The following MPP3 variants were observed in gnomAD, a reference collection of about 807,000 sequenced individuals.
The protein encoded by MPP3 is MAGUK p55 subfamily member 3.
In MPP3, 48 loss-of-function variants were observed where a neutral mutation model predicts 80.7. The ratio of observed to expected loss-of-function variants is 0.59; its 90% confidence interval spans 0.47 to 0.76. The LOEUF is 0.76. MPP3 is among the 30% of genes least tolerant of loss of function. The pLI, the probability that MPP3 is intolerant of heterozygous loss-of-function variation, is 0.00. For missense variants in MPP3, 620 were observed against 763.0 expected (o/e 0.81, Z 2.21); for synonymous variants, 311 against 297.6 (o/e 1.04, Z -0.46).
chr17:43,828,770 G>GC (rs1206639530), intron 7 of MPP3, among the ~76,000 whole-genome samples: 1 of 152,204 alleles, frequency 6.6e-6, no homozygotes, highest in African/African-American at 2.4e-5. Context: ...AGGACTTCTA[G>GC]CCCCCCAGAA....
chr17:43,821,023 C>T lies in MPP3; in HGVS notation c.720G>A (p.Arg240=). ...FMRALFHYNP[R]EDRAIPCQEA... is the part of the protein sequence containing the mutation. ...CCTGGCAAGGGATGGCCCGGTCCTC[C>T]CGAGGGTTGTAGTGGAAGAGGGCGC... is the stretch of plus-strand genomic sequence containing the variant. The change falls in exon 11 of 20, where the codon CGG becomes CGA. Residue 240 remains arginine (R), a synonymous_variant. Coordinates refer to ENST00000398389, the MANE Select transcript of MPP3 (RefSeq NM_001932.6). 1 of 1,614,020 alleles carries T rather than the reference C, an allele frequency of 6.2e-7. No individual in the cohort carries two copies. The highest frequency in any genetic ancestry group is 8.5e-7 in the Non-Finnish European group (1 of 1,179,944).
In MPP3 at chr17:43,824,005, C is replaced by T; in HGVS notation, c.610G>A (p.Ala204Thr). Residue 204 changes from alanine (A) to threonine (T), a missense_variant and splice_region_variant, in exon 10 of 20, where the codon GCC (alanine) becomes ACC (threonine). Coordinates refer to ENST00000398389, the MANE Select transcript of MPP3 (RefSeq NM_001932.6). ...KRPDEISQIL[A>T]QSQGSITLKI... ...AGGGTGATGGATCCCTGGGACTGGG[C>T]CTGAAACGAAAGAGAACAGAAGCTT... is the stretch of plus-strand genomic sequence containing the variant. 1 of 1,604,402 alleles carries T rather than the reference C, an allele frequency of 6.2e-7. No homozygotes were observed. Among genetic ancestry groups the T allele is most frequent in the Non-Finnish European group, 8.5e-7 (1 of 1,175,172 alleles).
intron 17 of MPP3, 95 bp from the exon 18 acceptor site, chr17:43,811,010 T>G (rs1321843389): frequency 1.4e-6 from 2 of 1,426,672 alleles, no homozygotes; most frequent in South Asian, 1.2e-5. Context: ...TCTCTCCCGC[T>G]TCCCCCATCC....
intron 14 of MPP3, chr17:43,815,752 T>C: frequency 3.1e-6 from 2 of 646,310 alleles, no homozygotes; most frequent in East Asian, 3.1e-5. Context: ...TAAACTCCAA[T>C]TGCAATGATG....
chr17:43,809,782 G>A (rs541108400), intron 18 of MPP3, among the ~76,000 whole-genome samples: 1 of 152,254 alleles, frequency 6.6e-6, no homozygotes, highest in East Asian at 1.9e-4. Context: ...GGGAGGCTGA[G>A]GCAAGAGAAT....
chr17:43,831,388 T>A lies in MPP3; in HGVS notation c.145-67A>T, dbSNP rs887112633. The A allele has an allele frequency of 2.6e-6, 4 of 1,538,780 alleles. No homozygotes were observed. The African/African-American group carries it at 5.5e-5, about 21-fold the overall frequency. On this transcript the variant is annotated intron_variant, in intron 4 of 19. Coordinates refer to ENST00000398389, the MANE Select transcript of MPP3 (RefSeq NM_001932.6). The stretch of plus-strand genomic sequence containing the variant: ...CATCCCACCCACGGCTGTGGGGACA[T>A]TTGGGGCAGCAGACTGGGCCACTGA...
chr17:43,816,206 GA>G, intron 13 of MPP3, 127 bp from the exon 14 acceptor site: 1 of 767,212 alleles, frequency 1.3e-6, no homozygotes, highest in Non-Finnish European at 2.0e-6. Flanking sequence ...GAGCTCAGGG[GA>G]AATCCCATGT....
intron 13 of MPP3, 73 bp from the exon 14 acceptor site, chr17:43,816,152 G>T: frequency 7.4e-7 from 1 of 1,358,144 alleles, no homozygotes; most frequent in South Asian, 1.4e-5. Flanking sequence ...CCCAGCCCCT[G>T]GATGGCCAGG....
chr17:43,813,769 C>T (rs952884135), intron 16 of MPP3, among the ~76,000 whole-genome samples: 7 of 152,156 alleles, frequency 4.6e-5, no homozygotes, highest in African/African-American at 1.7e-4. Context: ...CTGGACTCAT[C>T]TCCCACCCCA....
intron 16 of MPP3, among the ~76,000 whole-genome samples, chr17:43,813,454 C>G (rs1337838474): frequency 6.6e-6 from 1 of 152,134 alleles, no homozygotes; most frequent in Non-Finnish European, 1.5e-5. Flanking sequence ...CATTCAGAAC[C>G]AGGATCCTCT....
rs749145791 is a variant in MPP3 at position 43,810,847 on chromosome 17, A to G, written c.1418T>C (p.Met473Thr). 3.6e-5 allele frequency: 58 copies of G among 1,611,662 alleles called. No homozygotes were observed. The highest frequency in any genetic ancestry group is 4.7e-5 in the Non-Finnish European group (56 of 1,179,380). Residue 473 changes from methionine (M) to threonine (T), a missense_variant, in exon 18 of 20, where the codon ATG (methionine) becomes ACG (threonine). Physicochemically the swap from Met to Thr is moderately conservative, Grantham distance 81 (BLOSUM62 -1). Transcript: ENST00000398389. ...CACCAAACAAACTTTGTTTTTGGCC[A>G]TAACAGCCTGAATGGCCTCCAGGCT... ...GTSLEAIQAV[M>T]AKNKVCLVDV...
Position 43,829,827 on chromosome 17 carries a change from G to A in MPP3, c.304-36C>T, listed in dbSNP as rs73985454. 5.7e-3 allele frequency: 9,190 copies of A among 1,611,954 alleles called. 405 individuals are homozygous for A. In the African/African-American group the frequency reaches 0.1, roughly 18 times the overall value. On this transcript the variant is annotated intron_variant, in intron 6 of 19. Coordinates refer to ENST00000398389, the MANE Select transcript of MPP3 (RefSeq NM_001932.6). ...AGCCAGAGAAAAGGAAGGCTGGCCC[G>A]CCGCTCACAGGGTCAGCAGGCCGCA... is the stretch of plus-strand genomic sequence containing the variant.
chr17:43,830,550 T>A (rs951440358), intron 5 of MPP3, among the ~76,000 whole-genome samples: 1 of 151,940 alleles, frequency 6.6e-6, no homozygotes, highest in African/African-American at 2.4e-5. Context: ...CTCAGAGAGG[T>A]TGAGTGGCCT....
In MPP3 at chr17:43,831,546, C is replaced by T. The variant is rs762214893; in HGVS notation, c.144+13G>A. On this transcript the variant is annotated intron_variant, in intron 4 of 19. Coordinates refer to ENST00000398389, the MANE Select transcript of MPP3 (RefSeq NM_001932.6). ...CTAGACACCCTTCCACGCAGGATGA[C>T]GTGGGACTTCACCTTCATTAAGTAA... 9.5e-6 allele frequency: 15 copies of T among 1,582,444 alleles called. No individual in the cohort carries two copies. Among genetic ancestry groups the T allele is most frequent in the East Asian group, 2.2e-5 (1 of 44,706 alleles).
intron 19 of MPP3, among the ~76,000 whole-genome samples, chr17:43,804,535 T>C (rs570855616): frequency 6.6e-6 from 1 of 152,080 alleles, no homozygotes; most frequent in East Asian, 1.9e-4. Flanking sequence ...CCACAGAAAA[T>C]AACACAAAAT....
chr17:43,821,084 C>T (rs753542708), intron 10 of MPP3, 26 bp from the exon 11 acceptor site: 14 of 1,608,204 alleles, frequency 8.7e-6, no homozygotes, highest in African/African-American at 6.7e-5. Context: ...TCTGGTGAGG[C>T]GGCCCTTCCC....
intron 8 of MPP3, 106 bp downstream of exon 8, chr17:43,827,645 G>C: frequency 9.7e-7 from 1 of 1,032,432 alleles, no homozygotes; most frequent in Non-Finnish European, 1.4e-6. Context: ...ATCCCAAACA[G>C]GTGACCTGAT....
chr17:43,816,678 T>TG lies in MPP3; in HGVS notation c.965_966insC (p.Lys322AsnfsTer5). The TG allele has an allele frequency of 6.3e-7, 1 of 1,576,410 alleles. No homozygotes were observed. Among genetic ancestry groups the TG allele is most frequent in the East Asian group, 2.3e-5 (1 of 43,274 alleles). ...ACAGCGGATAGATACTGGGCCTACC[T>TG]TTGTCACAAGGCTGATCATCTGCGG... is the stretch of plus-strand genomic sequence containing the variant. On this transcript the variant is annotated frameshift_variant and splice_region_variant, in exon 13 of 20. Coordinates refer to ENST00000398389, the MANE Select transcript of MPP3 (RefSeq NM_001932.6). LOFTEE classifies it high-confidence loss of function.
chr17:43,830,203 G>GC, intron 5 of MPP3, 96 bp from the exon 6 acceptor site: 2 of 820,756 alleles, frequency 2.4e-6, no homozygotes, highest in East Asian at 5.9e-5. Context: ...CCCAGCTGCA[G>GC]CCCCCAGGGG....
Sources: allele counts gnomAD v4.1 joint callset (sites outside exome capture counted in the v4.1 genomes callset), GRCh38; gene constraint gnomAD v4.1.1; transcripts MANE v1.5; gene names NCBI Gene and HGNC (gene_info 2026-07-23, HGNC 2026-07-21).